Variants in SIPA1L3 observed in about 807,000 individuals in gnomAD.
SIPA1L3 encodes the protein signal induced proliferation associated 1 like 3.
A neutral mutation model predicts 150.1 loss-of-function variants in SIPA1L3; 59 were observed. That is an observed-to-expected ratio of 0.39 (90% confidence interval 0.32 to 0.49). The LOEUF is 0.49. SIPA1L3 is among the 20% of genes least tolerant of loss of function. The pLI, the probability that SIPA1L3 is intolerant of heterozygous loss-of-function variation, is 0.86. For missense variants in SIPA1L3, 2,211 were observed against 2,489.5 expected, an observed-to-expected ratio of 0.89 and a Z score of 2.38; for synonymous variants, 1,070 against 1,077.6, an observed-to-expected ratio of 0.99 and a Z score of 0.14.
rs560936120 is a variant in SIPA1L3 at position 38,004,245 on chromosome 19, G to T, written c.-378-24844G>T. ...AAGTTGAGTCATTGGCCAAATTCCT[G>T]TACTGCAGCAATTTAGGCAAAAAGT... is the stretch of plus-strand genomic sequence containing the variant. On this transcript the variant is annotated intron_variant, in intron 1 of 21. Coordinates refer to ENST00000222345, the MANE Select transcript of SIPA1L3 (RefSeq NM_015073.3). 3.3e-5 allele frequency among the ~76,000 whole-genome samples: 5 copies of T among 152,362 alleles called. No homozygotes were observed. In the East Asian group the frequency reaches 9.6e-4, roughly 29 times the overall value.
intron 4 of SIPA1L3, among the ~76,000 whole-genome samples, chr19:38,094,566 T>C (rs987936633): frequency 6.6e-6 from 1 of 152,148 alleles, no homozygotes; most frequent in African/African-American, 2.4e-5. Context: ...TATGTTTAAA[T>C]GAACAATCTC....
chr19:37,984,616 T>C (rs1967297466), intron 1 of SIPA1L3, among the ~76,000 whole-genome samples: 1 of 152,218 alleles, frequency 6.6e-6, no homozygotes. Context: ...GGAAAAGAAC[T>C]AGTTACTATG....
chr19:38,048,509 C>G (rs1473692152), intron 2 of SIPA1L3, among the ~76,000 whole-genome samples: 2 of 152,310 alleles, frequency 1.3e-5, no homozygotes, highest in African/African-American at 4.8e-5. Flanking sequence ...TGCCCCTCAA[C>G]CAGGCCGGTC....
rs1189349072 is a variant in SIPA1L3, at chr19:38,022,278, CAG to C, written c.-378-6808_-378-6807del. On this transcript the variant is annotated intron_variant, in intron 1 of 21. Coordinates refer to ENST00000222345, the MANE Select transcript of SIPA1L3 (RefSeq NM_015073.3). ...GGATTGGTAGTTAAAGAACAGAAAA[CAG>C]AGCCGGGAATGGTGGCATGCACCAG... Among the ~76,000 whole-genome samples the C allele has an allele frequency of 3.3e-5, 5 of 152,290 alleles. No individual in the cohort carries two copies. The South Asian group carries it at 1.0e-3, about 32-fold the overall frequency.
rs1568537885 is a variant in SIPA1L3 at position 38,081,507 on chromosome 19, G to A, written c.-59G>A. 4 of 1,472,466 alleles carry A rather than the reference G, an allele frequency of 2.7e-6. No individual in the cohort carries two copies. Among genetic ancestry groups the A allele is most frequent in the Non-Finnish European group, 3.7e-6 (4 of 1,094,784 alleles). 91.2% of individuals were successfully genotyped at this position (1,472,466 alleles called of 1,614,324 possible). A position where few individuals can be genotyped will look rare whatever the true frequency, so the allele number is the denominator to read the frequency against. The stretch of plus-strand genomic sequence containing the variant: ...CCTGAACAATGGCTGAGGGCTGGGG[G>A]ACCCCATAGAGTGACACCACAGCGT... On this transcript the variant is annotated 5_prime_UTR_variant, in exon 3 of 22. Transcript: ENST00000222345.
At chr19:38,148,882 T>G (rs1971759305) in intron 12 of SIPA1L3, among the ~76,000 whole-genome samples, 1 of 152,180 alleles carries the variant, frequency 6.6e-6, no homozygotes, top group African/African-American at 2.4e-5. Flanking sequence ...GATAATTACT[T>G]TAAAATTACT....
At chr19:38,167,651 C>A (rs1972240301) in intron 15 of SIPA1L3, among the ~76,000 whole-genome samples, 2 of 152,150 alleles carry the variant, frequency 1.3e-5, no homozygotes, top group South Asian at 4.1e-4. Context: ...TAGCCTCGAA[C>A]TCCTCAGCTC....
At chr19:38,179,621 C>A in intron 15 of SIPA1L3, among the ~76,000 whole-genome samples, 1 of 151,994 alleles carries the variant, frequency 6.6e-6, no homozygotes, top group South Asian at 2.1e-4. Context: ...CTTTTTTGTG[C>A]TCTGTTTATC....
rs911097987 is a variant in SIPA1L3, at chr19:38,110,467, C to T, written c.2291+83C>T. On this transcript the variant is annotated intron_variant, in intron 8 of 21. Transcript: ENST00000222345. ...CCAAGTGGGTCCCAGTACAGGGCCCCCCCACACCTCACGTTGTGCTTCAGG... is the reference window on the plus strand; with the variant it reads ...CCAAGTGGGTCCCAGTACAGGGCCCTCCCACACCTCACGTTGTGCTTCAGG... 2.5e-5 allele frequency: 29 copies of T among 1,141,624 alleles called. No individual in the cohort carries two copies. In the African/African-American group the frequency reaches 4.0e-4, roughly 16 times the overall value. The allele number at this position is 1,141,624 out of a possible 1,614,324, so 70.7% of individuals were successfully genotyped here.
chr19:38,123,042 G>A (rs1971059025), intron 9 of SIPA1L3, among the ~76,000 whole-genome samples: 4 of 152,188 alleles, frequency 2.6e-5, no homozygotes, highest in South Asian at 4.1e-4. Context: ...AGCAGGAACC[G>A]AGTGCAGGCA....
At position 38,130,758 on chromosome 19, in the gene SIPA1L3, C is replaced by A; in HGVS notation, c.3129C>A (p.Asp1043Glu). 1 of 1,606,068 alleles carries A rather than the reference C, an allele frequency of 6.2e-7. No homozygotes were observed. Residue 1043 changes from aspartate to glutamate, a missense_variant, in exon 10 of 22, where the codon GAC becomes GAA. Transcript: ENST00000222345. ...VKVVIIPPFE[D>E]GTPRRGWPET... Reference sequence around the variant, plus strand: ...TGGTCATCATCCCGCCTTTTGAGGACGGCACTCCCCGGAGGTAAGGGCCTC... The same window carrying A: ...TGGTCATCATCCCGCCTTTTGAGGAAGGCACTCCCCGGAGGTAAGGGCCTC...
In SIPA1L3 at chr19:38,099,979, C is replaced by T. The variant is rs753636313; in HGVS notation, c.1683C>T (p.Gly561=). 6.2e-7 allele frequency: 1 copy of T among 1,607,218 alleles called. No individual in the cohort carries two copies. The highest frequency in any genetic ancestry group is 8.5e-7 in the Non-Finnish European group (1 of 1,177,736). ...TTGAGTAGCTCATCACCCTGCGGGG[C>T]TCCATCCTGGAAGATGCTACGCCCA... ...FRTRELITLR[G]SILEDATPTA... Residue 561 remains glycine, a synonymous_variant, in exon 5 of 22, where the codon GGC becomes GGT. Transcript: ENST00000222345.
At chr19:38,015,113 C>T (rs1213141955) in intron 1 of SIPA1L3, among the ~76,000 whole-genome samples, 1 of 152,182 alleles carries the variant, frequency 6.6e-6, no homozygotes, top group Non-Finnish European at 1.5e-5. Flanking sequence ...CCACGCCCAG[C>T]TCCATGCCAG....
intron 1 of SIPA1L3, among the ~76,000 whole-genome samples, chr19:37,976,910 C>G (rs1237248138): frequency 6.6e-6 from 1 of 152,224 alleles, no homozygotes; most frequent in Non-Finnish European, 1.5e-5. Context: ...ACACAGCTCA[C>G]TGCAGCCTCA....
intron 9 of SIPA1L3, among the ~76,000 whole-genome samples, chr19:38,129,700 A>G (rs1971264197): frequency 6.6e-6 from 1 of 151,968 alleles, no homozygotes; most frequent in African/African-American, 2.4e-5. Context: ...AGGTCCCAGT[A>G]CTTCTGGTCT....
At chr19:37,926,643 T>C (rs982152891) in intron 1 of SIPA1L3, among the ~76,000 whole-genome samples, 4 of 152,164 alleles carry the variant, frequency 2.6e-5, no homozygotes, top group Admixed American at 1.3e-4. Context: ...CCTGTAGCGA[T>C]GGGAGACTTG....
chr19:38,176,868 G>C (rs1972445506), intron 15 of SIPA1L3, among the ~76,000 whole-genome samples: 2 of 152,042 alleles, frequency 1.3e-5, no homozygotes, highest in Non-Finnish European at 2.9e-5. Context: ...CTACTCGAGA[G>C]GCTGAGGCAG....
chr19:37,949,520 C>T (rs966541490), intron 1 of SIPA1L3, among the ~76,000 whole-genome samples: 7 of 152,108 alleles, frequency 4.6e-5, no homozygotes, highest in Non-Finnish European at 8.8e-5. Context: ...ACAAAATTAG[C>T]CAGGTGTGGT....
Position 38,082,897 on chromosome 19 carries a change from C to T in SIPA1L3, c.1332C>T (p.Phe444=). The change falls in exon 3 of 22, where the codon TTC becomes TTT. Residue 444 remains phenylalanine (F), a synonymous_variant. Transcript: ENST00000222345. ...GCGAGTGTGAGCGCAACGTGAGCTTCTCCCGGGCTTCCGTGGGCTCCCCGA... is the reference window on the plus strand; with the variant it reads ...GCGAGTGTGAGCGCAACGTGAGCTTTTCCCGGGCTTCCGTGGGCTCCCCGA... The part of the protein sequence containing the change: ...IGGECERNVS[F]SRASVGSPSS... The T allele has an allele frequency of 1.9e-6, 3 of 1,613,400 alleles. No individual in the cohort carries two copies. Among genetic ancestry groups the T allele is most frequent in the Non-Finnish European group, 2.5e-6 (3 of 1,179,900 alleles).
Sources: allele counts gnomAD v4.1 joint callset (sites outside exome capture counted in the v4.1 genomes callset), GRCh38; gene constraint gnomAD v4.1.1; transcripts MANE v1.5; gene names NCBI Gene and HGNC (gene_info 2026-07-23, HGNC 2026-07-21).